Variants in ISM1 observed in about 807,000 individuals in gnomAD.
ISM1 encodes the protein isthmin 1.
In ISM1, 25 loss-of-function variants were observed where a neutral mutation model predicts 46.3. The ratio of observed to expected loss-of-function variants is 0.54; its 90% CI spans 0.39 to 0.75. The LOEUF is 0.75. Ranked by LOEUF, ISM1 falls within the 30% of genes least tolerant of loss-of-function variation. ISM1 has a pLI of 0.00. For missense variants in ISM1, 536 were observed against 625.4 expected, an observed-to-expected ratio of 0.86 and a Z score of 1.52; for synonymous variants, 255 against 256.7, an observed-to-expected ratio of 0.99 and a Z score of 0.06.
intron 5 of ISM1, among the ~76,000 whole-genome samples, chr20:13,296,830 C>T (rs2040411473): frequency 6.6e-6 from 1 of 152,108 alleles, no homozygotes; most frequent in Non-Finnish European, 1.5e-5. Context: ...CCAACCTGGC[C>T]AATGTGGTGA....
intron 2 of ISM1, 145 bp from the exon 3 acceptor site, chr20:13,279,489 T>C (rs1405755659): frequency 1.4e-5 from 11 of 788,338 alleles, no homozygotes; most frequent in Non-Finnish European, 2.2e-5. Context: ...AGGTTTTCCA[T>C]TGTGTATCGC....
At chr20:13,325,738 A>G in the ISM1 span, among the ~76,000 whole-genome samples, 5 of 152,204 alleles carry the variant, frequency 3.3e-5, no homozygotes, top group Admixed American at 3.3e-4. Flanking sequence ...AGGTTCATCC[A>G]TTTGAACCTG....
In ISM1 at chr20:13,221,794, C is replaced by T. The variant is rs2039452157; in HGVS notation, c.18C>T (p.Ala6=). Residue 6 remains alanine (A), a synonymous_variant, in exon 1 of 6, where the codon GCC becomes GCT. Transcript: ENST00000262487. ...TCAAAAGGATGGTGCGCCTGGCGGCCGAGCTGCTGCTGCTGCTGGGGCTGC... is the reference window on the plus strand; with the variant it reads ...TCAAAAGGATGGTGCGCCTGGCGGCTGAGCTGCTGCTGCTGCTGGGGCTGC... MVRLA[A]ELLLLLGLLL... is the part of the protein sequence containing the mutation. 1 of 1,452,794 alleles carries T rather than the reference C, an allele frequency of 6.9e-7. No homozygotes were observed. The highest frequency in any genetic ancestry group is 3.1e-5 in the East Asian group (1 of 32,784). The allele number at this position is 1,452,794 out of a possible 1,614,324, so 90.0% of individuals were successfully genotyped here. A position where few individuals can be genotyped will look rare whatever the true frequency, so the allele number is the denominator to read the frequency against.
chr20:13,295,617 TTTGAGGAA>T (rs1031304637), intron 5 of ISM1, among the ~76,000 whole-genome samples: 1 of 152,144 alleles, frequency 6.6e-6, no homozygotes, highest in Admixed American at 6.5e-5. Context: ...CAAGAGATTT[TTTGAGGAA>T]ACACCCAGGA....
intron 2 of ISM1, among the ~76,000 whole-genome samples, chr20:13,271,618 G>T (rs1158590022): frequency 6.6e-6 from 1 of 152,148 alleles, no homozygotes. Flanking sequence ...TCAAATCCAG[G>T]CTCTCAGACT....
chr20:13,248,263 CA>C (rs1253975268), intron 1 of ISM1, among the ~76,000 whole-genome samples: 1 of 152,144 alleles, frequency 6.6e-6, no homozygotes, highest in African/African-American at 2.4e-5. Flanking sequence ...CTTGAAGCAA[CA>C]AGGGATCTGA....
intron 1 of ISM1, among the ~76,000 whole-genome samples, chr20:13,225,100 G>T (rs199685004): frequency 6.6e-6 from 1 of 151,154 alleles, no homozygotes; most frequent in Non-Finnish European, 1.5e-5. Context: ...TGATCCGCCC[G>T]CCTTGGCCTC....
intron 1 of ISM1, 74 bp downstream of exon 1, chr20:13,221,988 C>A: frequency 3.2e-6 from 4 of 1,238,330 alleles, no homozygotes; most frequent in South Asian, 2.7e-5. Flanking sequence ...GAGCTAGTGC[C>A]GGGTGGATGC....
intron 1 of ISM1, among the ~76,000 whole-genome samples, chr20:13,258,036 A>T (rs571375609): frequency 1.3e-5 from 2 of 152,240 alleles, no homozygotes; most frequent in South Asian, 2.1e-4. Context: ...TCTACCTCAC[A>T]TGGATGTCAT....
intron 3 of ISM1, among the ~76,000 whole-genome samples, chr20:13,282,065 C>T (rs1244058410): frequency 6.6e-6 from 1 of 152,162 alleles, no homozygotes; most frequent in African/African-American, 2.4e-5. Context: ...AACAAGCCCT[C>T]CAGGCACTCT....
intron 1 of ISM1, among the ~76,000 whole-genome samples, chr20:13,252,566 C>A (rs1374710718): frequency 6.6e-6 from 1 of 152,152 alleles, no homozygotes; most frequent in Non-Finnish European, 1.5e-5. Flanking sequence ...GCCTGACCAA[C>A]ATGGTGAAAC....
intron 1 of ISM1, among the ~76,000 whole-genome samples, chr20:13,250,832 A>G (rs1211616437): frequency 6.6e-6 from 1 of 152,172 alleles, no homozygotes; most frequent in Non-Finnish European, 1.5e-5. Context: ...AATCCCAGCT[A>G]ATTAGGTGAT....
the ISM1 span, among the ~76,000 whole-genome samples, chr20:13,325,084 A>T: frequency 1.3e-5 from 2 of 152,186 alleles, no homozygotes; most frequent in African/African-American, 4.8e-5. Flanking sequence ...CCAACCAGGG[A>T]GCTCCTGGAT....
downstream of ISM1, among the ~76,000 whole-genome samples, chr20:13,303,519 G>A (rs1237792878): frequency 6.6e-6 from 1 of 152,190 alleles, no homozygotes; most frequent in Non-Finnish European, 1.5e-5. Flanking sequence ...GTAGAGCTCA[G>A]GGGCAACATA....
At chr20:13,273,954 T>G (rs2040144028) in intron 2 of ISM1, among the ~76,000 whole-genome samples, 1 of 152,188 alleles carries the variant, frequency 6.6e-6, no homozygotes, top group African/African-American at 2.4e-5. Context: ...GCCTTCTGTT[T>G]GTGGAAGACC....
At chr20:13,326,170 CAT>C in the ISM1 span, among the ~76,000 whole-genome samples, 1 of 152,178 alleles carries the variant, frequency 6.6e-6, no homozygotes, top group South Asian at 2.1e-4. Context: ...TGCTGAGTAG[CAT>C]TCCATGTATG....
intron 5 of ISM1, among the ~76,000 whole-genome samples, chr20:13,295,213 C>A (rs886663161): frequency 6.6e-6 from 1 of 152,312 alleles, no homozygotes; most frequent in East Asian, 1.9e-4. Context: ...CTTCTGATCC[C>A]ACCTGCTGTT....
intron 4 of ISM1, among the ~76,000 whole-genome samples, chr20:13,291,452 TCA>T (rs2040352105): frequency 6.6e-6 from 1 of 152,198 alleles, no homozygotes; most frequent in African/African-American, 2.4e-5. Flanking sequence ...TTGAGGTGCC[TCA>T]CATAAAATCA....
intron 1 of ISM1, among the ~76,000 whole-genome samples, chr20:13,234,168 C>T (rs779373120): frequency 5.3e-4 from 81 of 152,074 alleles, no homozygotes; most frequent in Non-Finnish European, 1.0e-3. Flanking sequence ...TTTGTATGTC[C>T]GTGTATGCCC....
Sources: gnomAD v4.1 joint callset for allele counts (sites outside exome capture counted in the v4.1 genomes callset) on GRCh38, gnomAD v4.1.1 for gene constraint, MANE v1.5 for transcripts, NCBI Gene and HGNC (gene_info 2026-07-23, HGNC 2026-07-21) for gene names.